FLT1: variants seen among roughly 807,000 people sequenced by gnomAD.
The protein encoded by FLT1 is vascular endothelial growth factor receptor 1.
A neutral mutation model predicts 156.3 loss-of-function variants in FLT1; 49 were observed. That is an observed-to-expected ratio of 0.31 (90% CI 0.25 to 0.40). The LOEUF is 0.40. Ranked by LOEUF, FLT1 falls within the 10% of genes least tolerant of loss-of-function variation. The pLI is 1.00. For missense variants in FLT1, 1,322 were observed against 1,637.2 expected (o/e 0.81, Z 3.32); for synonymous variants, 594 against 583.8 (o/e 1.02, Z -0.25).
chr13:28,412,847 C>T lies in FLT1; in HGVS notation c.1437-6953G>A, dbSNP rs117511001. Among the ~76,000 whole-genome samples the T allele has an allele frequency of 1.1e-4, 16 of 151,314 alleles. No individual in the cohort carries two copies. The East Asian group carries it at 3.1e-3, about 30-fold the overall frequency. ...TGCCTCCCAGGATTACAGGCCAGAG[C>T]CACCACGGCCGGCCACGTTCTCTTA... On this transcript the variant is annotated intron_variant, in intron 10 of 29. Transcript: ENST00000282397.
At chr13:28,349,192 C>G (rs1215711897) in intron 15 of FLT1, among the ~76,000 whole-genome samples, 1 of 152,144 alleles carries the variant, frequency 6.6e-6, no homozygotes, top group East Asian at 1.9e-4. Flanking sequence ...AGTAGACATC[C>G]TGAAAATAGT....
chr13:28,481,263 C>T (rs1438394438), intron 1 of FLT1, among the ~76,000 whole-genome samples: 1 of 150,696 alleles, frequency 6.6e-6, no homozygotes, highest in Non-Finnish European at 1.5e-5. Flanking sequence ...CAGTGTAGAT[C>T]CTCATTCTCA....
chr13:28,323,904 A>C (rs1003576864), intron 20 of FLT1, among the ~76,000 whole-genome samples: 2 of 152,140 alleles, frequency 1.3e-5, no homozygotes, highest in Non-Finnish European at 2.9e-5. Context: ...CTTCCATTTA[A>C]ACAAAGATAC....
At chr13:28,385,752 C>A in intron 13 of FLT1, 2 of 990,748 alleles carry the variant, frequency 2.0e-6, no homozygotes, top group Non-Finnish European at 2.4e-6. Flanking sequence ...AAAATGCCAA[C>A]CAATATAGTA....
chr13:28,375,308 C>A (rs145331944), intron 14 of FLT1, among the ~76,000 whole-genome samples: 1 of 152,312 alleles, frequency 6.6e-6, no homozygotes, highest in African/African-American at 2.4e-5. Context: ...TACCACTGTA[C>A]TTTTCAATCT....
chr13:28,430,716 A>G (rs1877628919), intron 7 of FLT1, among the ~76,000 whole-genome samples: 2 of 152,240 alleles, frequency 1.3e-5, no homozygotes, highest in Admixed American at 1.3e-4. Context: ...CCTTGAGAGT[A>G]AAAGCAGGAA....
chr13:28,404,389 C>A (rs937133702), intron 11 of FLT1, among the ~76,000 whole-genome samples: 3 of 152,182 alleles, frequency 2.0e-5, no homozygotes, highest in Non-Finnish European at 4.4e-5. Flanking sequence ...TTTAAGCTGT[C>A]TTTGGGTTAA....
Position 28,386,173 on chromosome 13 carries a change from C to G in FLT1, c.1970-1142G>C, listed in dbSNP as rs114735744. ...CAGCTTAGGAGTGATGACAATGCTA[C>G]AAAGATGATACATTGCAATGGCCTT... On this transcript the variant is annotated intron_variant, in intron 13 of 29. Transcript: ENST00000282397. 5.9e-4 allele frequency: 619 copies of G among 1,054,728 alleles called. 3 individuals carry two copies. In the African/African-American group the frequency reaches 9.0e-3, roughly 15 times the overall value. The allele number at this position is 1,054,728 out of a possible 1,614,324, so 65.3% of individuals were successfully genotyped here. A position where few individuals can be genotyped will look rare whatever the true frequency, so the allele number is the denominator to read the frequency against.
intron 11 of FLT1, 33 bp downstream of exon 11, chr13:28,405,747 A>C: frequency 8.8e-7 from 1 of 1,131,628 alleles, no homozygotes; most frequent in Admixed American, 1.7e-5. Flanking sequence ...TTTGTGGAAT[A>C]AATATCCCAG....
chr13:28,485,727 G>A (rs1881118976), intron 1 of FLT1, among the ~76,000 whole-genome samples: 1 of 152,192 alleles, frequency 6.6e-6, no homozygotes, highest in Non-Finnish European at 1.5e-5. Context: ...GTAGAGCGGT[G>A]TTGTAGGCGT....
chr13:28,454,617 A>G (rs1443847951), intron 3 of FLT1, among the ~76,000 whole-genome samples: 1 of 152,204 alleles, frequency 6.6e-6, no homozygotes, highest in Non-Finnish European at 1.5e-5. Flanking sequence ...TCTCACTACT[A>G]CTTTCCAACA....
chr13:28,351,719 A>G (rs913151135), intron 15 of FLT1, among the ~76,000 whole-genome samples: 2 of 152,222 alleles, frequency 1.3e-5, no homozygotes, highest in Non-Finnish European at 2.9e-5. Flanking sequence ...ACGTGACGTT[A>G]GTTCTGGAAC....
chr13:28,352,150 A>G (rs1593701952), intron 15 of FLT1, among the ~76,000 whole-genome samples: 1 of 152,192 alleles, frequency 6.6e-6, no homozygotes, highest in East Asian at 1.9e-4. Context: ...CTATAGAGCA[A>G]CAGAGCAGGA....
intron 7 of FLT1, 107 bp downstream of exon 7, chr13:28,431,029 T>C (rs75596433): frequency 9.9e-7 from 1 of 1,005,984 alleles, no homozygotes; most frequent in Non-Finnish European, 1.6e-6. Context: ...TATTCATTCA[T>C]GATAATGTAA....
rs553362870 is a variant in FLT1, at chr13:28,405,983, C to A, written c.1437-89G>T. On this transcript the variant is annotated intron_variant, in intron 10 of 29. Coordinates refer to ENST00000282397, the MANE Select transcript of FLT1 (RefSeq NM_002019.4). Reference sequence around the variant, plus strand: ...GAAATGAAAACTTGGTGTAAGTCCTCAGATAACAAAGTCACAAATTTTATG... The same window carrying A: ...GAAATGAAAACTTGGTGTAAGTCCTAAGATAACAAAGTCACAAATTTTATG... 5.5e-4 allele frequency: 421 copies of A among 762,088 alleles called. 4 individuals are homozygous for A. The South Asian group carries it at 5.6e-3, about 10-fold the overall frequency. 47.2% of individuals were successfully genotyped at this position (762,088 alleles called of 1,614,324 possible). A position where few individuals can be genotyped will look rare whatever the true frequency, so the allele number is the denominator to read the frequency against.
intron 1 of FLT1, among the ~76,000 whole-genome samples, chr13:28,475,647 C>A (rs670084): frequency 0.16 from 24,719 of 152,064 alleles, 3,148 homozygotes; most frequent in African/African-American, 0.35. Flanking sequence ...AATTTCCGGA[C>A]GCTACCAACA....
At chr13:28,365,641 C>G (rs1212732337) in intron 14 of FLT1, among the ~76,000 whole-genome samples, 1 of 152,144 alleles carries the variant, frequency 6.6e-6, no homozygotes, top group East Asian at 1.9e-4. Flanking sequence ...CGTGAGCCAC[C>G]GTGCTCAGCC....
At chr13:28,317,348 G>T in intron 25 of FLT1, 150 bp downstream of exon 25, 1 of 700,886 alleles carries the variant, frequency 1.4e-6, no homozygotes, top group Non-Finnish European at 2.6e-6. Flanking sequence ...ATCTGGGCCT[G>T]ATGGGCTGAG....
At chr13:28,363,806 T>C (rs1207668262) in intron 14 of FLT1, among the ~76,000 whole-genome samples, 1 of 152,078 alleles carries the variant, frequency 6.6e-6, no homozygotes, top group Admixed American at 6.6e-5. Context: ...AGAGACAGGG[T>C]TTCACCATGT....
Sources: allele counts gnomAD v4.1 joint callset (sites outside exome capture counted in the v4.1 genomes callset), GRCh38; gene constraint gnomAD v4.1.1; transcripts MANE v1.5; gene names NCBI Gene and HGNC (gene_info 2026-07-23, HGNC 2026-07-21).